The following GYS2 variants were observed in gnomAD, a reference collection of about 807,000 sequenced individuals.
The protein encoded by GYS2 is glycogen synthase 2.
GYS2 carries 80 observed loss-of-function variants against 85.6 expected under a neutral mutation model. The observed-to-expected ratio is 0.93, with a 90% CI of 0.78 to 1.13. The LOEUF is 1.13. GYS2 is among the 50% of genes most tolerant of loss of function. The pLI is 0.00. For missense variants in GYS2, 881 were observed against 854.9 expected (o/e 1.03, Z -0.38); for synonymous variants, 328 against 300.7 (o/e 1.09, Z -0.94).
At chr12:21,580,566 AT>A in intron 1 of GYS2, 43 bp from the exon 2 acceptor site, 1 of 1,472,432 alleles carries the variant, frequency 6.8e-7, no homozygotes, top group African/African-American at 1.4e-5. Flanking sequence ...CAGGTTAGCA[AT>A]TTGTTTAAAG....
At chr12:21,586,657 A>G (rs1944578009) in intron 1 of GYS2, among the ~76,000 whole-genome samples, 1 of 152,190 alleles carries the variant, frequency 6.6e-6, no homozygotes, top group Non-Finnish European at 1.5e-5. Flanking sequence ...GGCTATCATT[A>G]TAAAGTTCAA....
chr12:21,589,524 TC>T (rs1334833081), intron 1 of GYS2, among the ~76,000 whole-genome samples: 2 of 151,694 alleles, frequency 1.3e-5, no homozygotes, highest in African/African-American at 4.9e-5. Context: ...AAGTAGAAAA[TC>T]CCACATAAGA....
intron 4 of GYS2, among the ~76,000 whole-genome samples, chr12:21,572,984 T>C (rs1591798491): frequency 6.6e-6 from 1 of 152,204 alleles, no homozygotes; most frequent in East Asian, 1.9e-4. Context: ...ACCATTACTA[T>C]ATACCGCTAA....
intron 11 of GYS2, among the ~76,000 whole-genome samples, chr12:21,555,082 G>A (rs1318054253): frequency 6.6e-6 from 1 of 152,088 alleles, no homozygotes; most frequent in African/African-American, 2.4e-5. Flanking sequence ...AAGACCTATA[G>A]ATTTAGATAA....
chr12:21,540,365 T>A, intron 14 of GYS2, 45 bp downstream of exon 14: 1 of 1,490,322 alleles, frequency 6.7e-7, no homozygotes. Context: ...TATAGTCCAG[T>A]GGAATTTTTT....
intron 7 of GYS2, 147 bp downstream of exon 7, chr12:21,562,771 T>G (rs1211936150): frequency 1.3e-6 from 1 of 781,700 alleles, no homozygotes; most frequent in African/African-American, 1.8e-5. Flanking sequence ...AACTCCAATA[T>G]GTAAATTGAA....
chr12:21,580,388 T>C lies in GYS2; in HGVS notation c.257A>G (p.Asp86Gly), dbSNP rs1944495395. 5 of 1,613,826 alleles carry C rather than the reference T, an allele frequency of 3.1e-6. No homozygotes were observed. The highest frequency in any genetic ancestry group is 2.2e-5 in the East Asian group (1 of 44,890). Residue 86 changes from aspartate to glycine, a missense_variant, in exon 2 of 16, where the codon GAT becomes GGT. By Grantham distance (94) the Asp-to-Gly change is moderately conservative. Coordinates refer to ENST00000261195, the MANE Select transcript of GYS2 (RefSeq NM_021957.4). ...TQVEQCEPVN[D>G]AVRRAVDAMN... is the part of the protein sequence containing the mutation. The stretch of plus-strand genomic sequence containing the variant: ...TGCGTCCACTGCTCTTCTGACAGCA[T>C]CATTTACAGGTTCACACTGTTCCAC...
intron 2 of GYS2, among the ~76,000 whole-genome samples, chr12:21,579,857 G>A (rs1267043603): frequency 6.6e-6 from 1 of 152,054 alleles, no homozygotes; most frequent in Non-Finnish European, 1.5e-5. Context: ...AATCACATCT[G>A]CCATATTCCA....
chr12:21,595,234 C>A (rs1330780564), intron 1 of GYS2, among the ~76,000 whole-genome samples: 1 of 152,148 alleles, frequency 6.6e-6, no homozygotes, highest in Non-Finnish European at 1.5e-5. Flanking sequence ...ATTTTAGCTG[C>A]AGATAGACTG....
chr12:21,536,939 C>A lies in GYS2; in HGVS notation c.*15G>T. On this transcript the variant is annotated 3_prime_UTR_variant, in exon 16 of 16. Coordinates refer to ENST00000261195, the MANE Select transcript of GYS2 (RefSeq NM_021957.4). Reference sequence around the variant, plus strand: ...TGCTTTTTTAAATTAGCTCTTCATGCAGCACATGTAGAATTCAGTTCTTAT... The same window carrying A: ...TGCTTTTTTAAATTAGCTCTTCATGAAGCACATGTAGAATTCAGTTCTTAT... The A allele has an allele frequency of 6.5e-7, 1 of 1,528,336 alleles. No homozygotes were observed. The allele number at this position is 1,528,336 out of a possible 1,614,324, so 94.7% of individuals were successfully genotyped here. A position where few individuals can be genotyped will look rare whatever the true frequency, so the allele number is the denominator to read the frequency against.
At chr12:21,557,690 G>A (rs992656486) in intron 11 of GYS2, among the ~76,000 whole-genome samples, 2 of 152,128 alleles carry the variant, frequency 1.3e-5, no homozygotes, top group East Asian at 1.9e-4. Context: ...ACGAGGTCAG[G>A]AGATCGAGAC....
chr12:21,600,813 A>G (rs1369946845), intron 1 of GYS2, among the ~76,000 whole-genome samples: 5 of 152,150 alleles, frequency 3.3e-5, no homozygotes, highest in Admixed American at 1.3e-4. Context: ...TGGACTCATT[A>G]TTATAATTTC....
chr12:21,583,820 G>A (rs746287911), intron 1 of GYS2, among the ~76,000 whole-genome samples: 1 of 152,244 alleles, frequency 6.6e-6, no homozygotes, highest in Non-Finnish European at 1.5e-5. Context: ...GCTGTGCACA[G>A]CAGCATTGCA....
intron 11 of GYS2, among the ~76,000 whole-genome samples, chr12:21,547,136 C>T (rs551280679): frequency 3.3e-5 from 5 of 152,136 alleles, no homozygotes; most frequent in Non-Finnish European, 7.4e-5. Flanking sequence ...AGTGGCTTCC[C>T]ATTTTACTCA....
chr12:21,566,705 A>G (rs80354516), intron 5 of GYS2, among the ~76,000 whole-genome samples: 1,649 of 152,282 alleles, frequency 0.011, 28 homozygotes, highest in African/African-American at 0.036. Context: ...ATGATTCTAG[A>G]TAAGAGAAAG....
chr12:21,546,391 T>G lies in GYS2; in HGVS notation c.1502A>C (p.His501Pro), dbSNP rs775701488. The G allele has an allele frequency of 6.2e-7, 1 of 1,600,404 alleles. No individual in the cohort carries two copies. Among genetic ancestry groups the G allele is most frequent in the South Asian group, 1.1e-5 (1 of 90,672 alleles). The change falls in exon 12 of 16, where the codon CAT becomes CCT. Residue 501 changes from histidine (H) to proline (P), a missense_variant. By Grantham distance (77) the His-to-Pro change is moderately conservative (BLOSUM62 -2). Transcript: ENST00000261195. ...MDYEEFVRGC[H>P]LGVFPSYYEP... Reference sequence around the variant, plus strand: ...ATAGTATGATGGAAATACTCCAAGATGACAACCTCTAACAAACTCTTCATA... The same window carrying G: ...ATAGTATGATGGAAATACTCCAAGAGGACAACCTCTAACAAACTCTTCATA...
chr12:21,595,223 A>T (rs2136931796), intron 1 of GYS2, among the ~76,000 whole-genome samples: 1 of 152,274 alleles, frequency 6.6e-6, no homozygotes, highest in Non-Finnish European at 1.5e-5. Flanking sequence ...TCGCATTGTG[A>T]ATTTTAGCTG....
chr12:21,540,770 G>T (rs1943963587), intron 13 of GYS2, among the ~76,000 whole-genome samples, 197 bp from the exon 14 acceptor site: 1 of 152,100 alleles, frequency 6.6e-6, no homozygotes, highest in Admixed American at 6.5e-5. Flanking sequence ...CTGACACACA[G>T]CCAACGAAGT....
At position 21,542,490 on chromosome 12, in the gene GYS2, C is replaced by G; in HGVS notation, c.1645+6G>C. 6.3e-7 allele frequency: 1 copy of G among 1,593,558 alleles called. No homozygotes were observed. Among genetic ancestry groups the G allele is most frequent in the Non-Finnish European group, 8.6e-7 (1 of 1,161,288 alleles). ...CCCAGCATGGGTTAATGATGAAAACCCTCACCGTAAGCAGTAGGATCAGCC... is the reference window on the plus strand; with the variant it reads ...CCCAGCATGGGTTAATGATGAAAACGCTCACCGTAAGCAGTAGGATCAGCC... On this transcript the variant is annotated splice_donor_region_variant and intron_variant, in intron 13 of 15. Transcript: ENST00000261195.
Sources: gnomAD v4.1 joint callset for allele counts (sites outside exome capture counted in the v4.1 genomes callset) on GRCh38, gnomAD v4.1.1 for gene constraint, MANE v1.5 for transcripts, NCBI Gene and HGNC (gene_info 2026-07-23, HGNC 2026-07-21) for gene names.